Variants in WSCD2 observed in about 807,000 individuals in gnomAD.
WSCD2 encodes the protein WSC domain sialate O sulfotransferase 2.
In WSCD2, 28 loss-of-function variants were observed where a neutral mutation model predicts 55.7. The ratio of observed to expected loss-of-function variants is 0.50; its 90% CI spans 0.37 to 0.69. The LOEUF is 0.69. Ranked by LOEUF, WSCD2 falls within the 30% of genes least tolerant of loss-of-function variation. WSCD2 has a pLI of 0.00. For missense variants in WSCD2, 616 were observed against 762.1 expected (o/e 0.81, Z 2.26); for synonymous variants, 301 against 301.9 (o/e 1.00, Z 0.03).
chr12:108,133,747 C>T (rs1007042910), intron 1 of WSCD2, among the ~76,000 whole-genome samples: 1 of 152,166 alleles, frequency 6.6e-6, no homozygotes, highest in African/African-American at 2.4e-5. Flanking sequence ...TATCCCCCTG[C>T]CCCCGCCTCC....
intron 1 of WSCD2, among the ~76,000 whole-genome samples, chr12:108,138,963 GGCA>G (rs1230373747): frequency 2.7e-4 from 41 of 152,298 alleles, no homozygotes; most frequent in African/African-American, 9.4e-4. Flanking sequence ...GTCCTGGGAG[GGCA>G]GCAGGCTTCA....
At chr12:108,220,262 G>T (rs921947204) in intron 4 of WSCD2, among the ~76,000 whole-genome samples, 1 of 152,138 alleles carries the variant, frequency 6.6e-6, no homozygotes. Flanking sequence ...GGTTAGGAGG[G>T]TTCCATTGGA....
In WSCD2 at chr12:108,210,223, G is replaced by C. The variant is rs756757296; in HGVS notation, c.600G>C (p.Lys200Asn). Residue 200 changes from lysine to asparagine, a missense_variant, in exon 4 of 9, where the codon AAG becomes AAC. Lys to Asn is a moderately conservative substitution (Grantham distance 94, BLOSUM62 0). Coordinates refer to ENST00000547525, the MANE Select transcript of WSCD2 (RefSeq NM_014653.4). This position sits in a 1 kb window ranked among gnomAD's most constrained non-coding sequence, Gnocchi z 4.3. Reference sequence around the variant, plus strand: ...AGGCAGAGTGCGACATGGAGTGCAAGGGCGAGCGAGGCAGCGTGTGCGGCG... The same window carrying C: ...AGGCAGAGTGCGACATGGAGTGCAACGGCGAGCGAGGCAGCGTGTGCGGCG... ...VSEAECDMEC[K>N]GERGSVCGGA... 7 of 1,613,606 alleles carry C rather than the reference G, an allele frequency of 4.3e-6. No homozygotes were observed. The highest frequency in any genetic ancestry group is 5.9e-6 in the Non-Finnish European group (7 of 1,179,816).
At chr12:108,225,697 T>C (rs1888005227) in intron 5 of WSCD2, among the ~76,000 whole-genome samples, 1 of 152,128 alleles carries the variant, frequency 6.6e-6, no homozygotes, top group African/African-American at 2.4e-5. Flanking sequence ...GTTTCCTCCC[T>C]AGCCAGGTTG....
chr12:108,178,704 A>G lies in WSCD2; in HGVS notation c.-551-16578A>G, dbSNP rs1313704733. ...TCACAGTAACAGCAACAATACTCAT[A>G]GGCTACCTGACATATTAGATTAAAG... is the stretch of plus-strand genomic sequence containing the variant. On this transcript the variant is annotated intron_variant, in intron 1 of 8. Transcript: ENST00000547525. 2.0e-5 allele frequency among the ~76,000 whole-genome samples: 3 copies of G among 152,318 alleles called. No individual in the cohort carries two copies. The East Asian group carries it at 5.8e-4, about 29-fold the overall frequency.
intron 1 of WSCD2, chr12:108,189,578 T>C (rs1882911104): frequency 6.6e-6 from 1 of 152,130 alleles, no homozygotes; most frequent in African/African-American, 2.4e-5. Flanking sequence ...TCTACCAAAC[T>C]GACCAAAAAG....
intron 1 of WSCD2, among the ~76,000 whole-genome samples, chr12:108,157,927 C>T (rs963641525): frequency 3.9e-5 from 6 of 152,152 alleles, no homozygotes; most frequent in Non-Finnish European, 7.4e-5. Flanking sequence ...AAATCAAATA[C>T]AAATGAATTC....
At chr12:108,216,704 A>G (rs1015965517) in intron 4 of WSCD2, among the ~76,000 whole-genome samples, 2 of 152,386 alleles carry the variant, frequency 1.3e-5, no homozygotes, top group South Asian at 4.1e-4. Flanking sequence ...ATGGAAGCTT[A>G]ACCCCACTGG....
At chr12:108,218,183 C>T (rs773112598) in intron 4 of WSCD2, among the ~76,000 whole-genome samples, 7 of 152,206 alleles carry the variant, frequency 4.6e-5, no homozygotes, top group Non-Finnish European at 7.3e-5. Context: ...AACATTAAGA[C>T]TCTGAAATGA....
At chr12:108,246,029 A>C (rs1890056892) in intron 8 of WSCD2, among the ~76,000 whole-genome samples, 1 of 152,226 alleles carries the variant, frequency 6.6e-6, no homozygotes, top group African/African-American at 2.4e-5. Flanking sequence ...ACAACCGTTC[A>C]CTGAGCACCT....
At chr12:108,243,857 C>A (rs989841788) in intron 8 of WSCD2, among the ~76,000 whole-genome samples, 4 of 152,280 alleles carry the variant, frequency 2.6e-5, no homozygotes, top group African/African-American at 7.2e-5. Context: ...TCCACCCCAC[C>A]ATGCCCTTGT....
intron 1 of WSCD2, among the ~76,000 whole-genome samples, chr12:108,182,640 G>C (rs998569094): frequency 4.6e-5 from 7 of 152,196 alleles, no homozygotes; most frequent in African/African-American, 1.7e-4. Context: ...GAGAAAAGGA[G>C]CAGGTAGAGG....
chr12:108,236,602 T>C (rs1889288356), intron 7 of WSCD2, among the ~76,000 whole-genome samples: 2 of 151,482 alleles, frequency 1.3e-5, no homozygotes, highest in South Asian at 4.2e-4. Flanking sequence ...CTCTCTCTAA[T>C]TGTCCTTTCC....
Position 108,195,546 on chromosome 12 carries a change from A to T in WSCD2, c.-287A>T. The T allele has an allele frequency of 2.3e-6, 1 of 432,080 alleles. No individual in the cohort carries two copies. Among genetic ancestry groups the T allele is most frequent in the East Asian group, 4.0e-5 (1 of 25,184 alleles). The allele number at this position is 432,080 out of a possible 1,614,324, so 26.8% of individuals were successfully genotyped here. ...TGAAGTGAAGAACAATATGTAGGAA[A>T]ATGGGACCAACTTATGTGTGTTCTG... On this transcript the variant is annotated 5_prime_UTR_variant, in exon 2 of 9. Transcript: ENST00000547525.
At chr12:108,218,906 G>A (rs1887152608) in intron 4 of WSCD2, among the ~76,000 whole-genome samples, 3 of 152,244 alleles carry the variant, frequency 2.0e-5, no homozygotes, top group African/African-American at 7.2e-5. Context: ...GGCTCCATCA[G>A]AGGGACCTAC....
chr12:108,152,980 T>C (rs1274378062), intron 1 of WSCD2, among the ~76,000 whole-genome samples: 1 of 152,162 alleles, frequency 6.6e-6, no homozygotes, highest in Admixed American at 6.5e-5. Flanking sequence ...GGTGCACACC[T>C]ATAACCCCAG....
intron 7 of WSCD2, among the ~76,000 whole-genome samples, chr12:108,239,281 T>C (rs11113780): frequency 0.078 from 11,850 of 152,226 alleles, 562 homozygotes; most frequent in East Asian, 0.13. Flanking sequence ...CCCAGCTCTC[T>C]TGAGCTAGTA....
intron 1 of WSCD2, among the ~76,000 whole-genome samples, chr12:108,132,416 T>C (rs1229135994): frequency 6.6e-6 from 1 of 152,212 alleles, no homozygotes; most frequent in East Asian, 1.9e-4. Flanking sequence ...GAGCATAACT[T>C]ACATGAGAAC....
intron 1 of WSCD2, among the ~76,000 whole-genome samples, chr12:108,164,730 C>T (rs890672501): frequency 6.6e-6 from 1 of 152,136 alleles, no homozygotes. Flanking sequence ...TGAGGAATGC[C>T]TTCCTTGCCC....
Sources: gnomAD v4.1 joint callset for allele counts (sites outside exome capture counted in the v4.1 genomes callset) on GRCh38, gnomAD v4.1.1 for gene constraint, Gnocchi (gnomAD v3.1) non-coding constraint, MANE v1.5 for transcripts, NCBI Gene and HGNC (gene_info 2026-07-23, HGNC 2026-07-21) for gene names.